GATAD2A: variants seen among roughly 807,000 people sequenced by gnomAD.
The protein encoded by GATAD2A is transcriptional repressor p66-alpha.
A neutral mutation model predicts 68.5 loss-of-function variants in GATAD2A; 12 were observed. That is an observed-to-expected ratio of 0.18 (90% CI 0.11 to 0.28). The LOEUF is 0.28. Among genes scored for constraint, GATAD2A ranks in the 10% least tolerant of loss-of-function variants. The pLI is 1.00. For synonymous variants in GATAD2A, 410 were observed against 375.3 expected (o/e 1.09, Z -1.07); for missense variants, 755 against 868.5 (o/e 0.87, Z 1.64).
intron 2 of GATAD2A, among the ~76,000 whole-genome samples, chr19:19,482,853 C>T (rs1240591984): frequency 6.6e-6 from 1 of 152,186 alleles, no homozygotes; most frequent in East Asian, 1.9e-4. Context: ...ATGGTGTCAG[C>T]TGCTGACAAG....
chr19:19,441,438 G>C (rs2055064301), intron 1 of GATAD2A, among the ~76,000 whole-genome samples: 1 of 152,018 alleles, frequency 6.6e-6, no homozygotes, highest in South Asian at 2.1e-4. Context: ...ACCTAGGCTG[G>C]AGTGCAGTGG....
At chr19:19,497,385 C>G (rs1403227631) in intron 7 of GATAD2A, among the ~76,000 whole-genome samples, 4 of 152,244 alleles carry the variant, frequency 2.6e-5, no homozygotes, top group Non-Finnish European at 5.9e-5. Context: ...CGTGAGCCAC[C>G]ACATCCTGCC....
At chr19:19,444,288 T>C (rs968732832) in intron 1 of GATAD2A, among the ~76,000 whole-genome samples, 1 of 134,950 alleles carries the variant, frequency 7.4e-6, no homozygotes, top group African/African-American at 2.6e-5. Context: ...TAGCTGGACT[T>C]GCACATGACT....
chr19:19,505,657 G>C lies in GATAD2A; in HGVS notation c.*183G>C. The C allele has an allele frequency of 1.8e-6, 1 of 548,608 alleles. No homozygotes were observed. The highest frequency in any genetic ancestry group is 3.1e-6 in the Non-Finnish European group (1 of 323,472). The allele number at this position is 548,608 out of a possible 1,614,324, so 34.0% of individuals were successfully genotyped here. Reference sequence around the variant, plus strand: ...GGCTGCAAAGTTTCATCAGGGCTAGGGGGCTGGTGCCGCCTCATAGGCAGA... The same window carrying C: ...GGCTGCAAAGTTTCATCAGGGCTAGCGGGCTGGTGCCGCCTCATAGGCAGA... On this transcript the variant is annotated 3_prime_UTR_variant, in exon 12 of 12. Coordinates refer to ENST00000683918, the MANE Select transcript of GATAD2A (RefSeq NM_001384528.1).
intron 1 of GATAD2A, among the ~76,000 whole-genome samples, chr19:19,443,015 G>A (rs2055289217): frequency 1.3e-5 from 2 of 152,070 alleles, no homozygotes; most frequent in Non-Finnish European, 2.9e-5. Context: ...GGGTGACAGG[G>A]ATGCTCTACA....
At chr19:19,447,242 G>A (rs1049169087) in intron 1 of GATAD2A, among the ~76,000 whole-genome samples, 2 of 152,152 alleles carry the variant, frequency 1.3e-5, no homozygotes, top group East Asian at 1.9e-4. Flanking sequence ...AGATGCAAAG[G>A]CCCTGAGGTG....
intron 1 of GATAD2A, among the ~76,000 whole-genome samples, chr19:19,414,604 C>G (rs556967538): frequency 3.5e-4 from 45 of 126,946 alleles, no homozygotes; most frequent in Non-Finnish European, 6.7e-4. Context: ...GTGGTGCAAT[C>G]TCGGCTCACT....
intron 1 of GATAD2A, among the ~76,000 whole-genome samples, chr19:19,413,548 T>TA (rs1310622480): frequency 6.6e-6 from 1 of 152,176 alleles, no homozygotes; most frequent in Non-Finnish European, 1.5e-5. Flanking sequence ...ATAGCCACTC[T>TA]AACCCAGGGA....
At chr19:19,430,334 C>G (rs865909710) in intron 1 of GATAD2A, among the ~76,000 whole-genome samples, 45 of 152,124 alleles carry the variant, frequency 3.0e-4, no homozygotes, top group African/African-American at 1.1e-3. Flanking sequence ...TTTTTTCTTT[C>G]CAGATTGAGC....
At chr19:19,480,752 G>A (rs1370598190) in intron 2 of GATAD2A, among the ~76,000 whole-genome samples, 1 of 152,224 alleles carries the variant, frequency 6.6e-6, no homozygotes, top group Non-Finnish European at 1.5e-5. Context: ...CCCCTCAGTG[G>A]TCCTCGTGGG....
At chr19:19,480,565 C>T (rs2148238708) in intron 2 of GATAD2A, among the ~76,000 whole-genome samples, 1 of 152,326 alleles carries the variant, frequency 6.6e-6, no homozygotes, top group East Asian at 1.9e-4. Flanking sequence ...GGGCTTCTTC[C>T]TGTCGTACTT....
chr19:19,484,624 C>T lies in GATAD2A; in HGVS notation c.270-7682C>T, dbSNP rs1056359742. ...CTCGGCTCCCTGCAGGCTCTGCCCC[C>T]CGGGGTTCATGCCATTCTCCTGCCT... is the stretch of plus-strand genomic sequence containing the variant. On this transcript the variant is annotated intron_variant, in intron 2 of 11. Coordinates refer to ENST00000683918, the MANE Select transcript of GATAD2A (RefSeq NM_001384528.1). Among the ~76,000 whole-genome samples the T allele has an allele frequency of 9.2e-5, 14 of 151,394 alleles. No individual in the cohort carries two copies. The East Asian group carries it at 1.9e-3, about 21-fold the overall frequency.
At chr19:19,500,027 C>T (rs1472829962) in intron 8 of GATAD2A, among the ~76,000 whole-genome samples, 1 of 152,246 alleles carries the variant, frequency 6.6e-6, no homozygotes, top group Non-Finnish European at 1.5e-5. Context: ...CAGTGCCTCT[C>T]CTTGCCCCTG....
intron 1 of GATAD2A, among the ~76,000 whole-genome samples, chr19:19,390,830 ATTCT>A (rs1299292035): frequency 6.6e-6 from 1 of 152,200 alleles, no homozygotes; most frequent in Admixed American, 6.5e-5. Context: ...AAGAAGAGCC[ATTCT>A]TTCATTGTAA....
chr19:19,425,595 C>T (rs1431947955), intron 1 of GATAD2A, among the ~76,000 whole-genome samples: 5 of 152,098 alleles, frequency 3.3e-5, no homozygotes, highest in African/African-American at 9.7e-5. Context: ...AAGAAATGCC[C>T]GCTCTCTTGT....
chr19:19,467,219 C>CA (rs1028201952), intron 2 of GATAD2A, among the ~76,000 whole-genome samples: 1 of 151,946 alleles, frequency 6.6e-6, no homozygotes, highest in African/African-American at 2.4e-5. Flanking sequence ...ACTAAAAATA[C>CA]AAAAAAATTA....
Position 19,408,332 on chromosome 19 carries a change from A to G in GATAD2A, c.-7+2313A>G, listed in dbSNP as rs140744196. 7.9e-5 allele frequency among the ~76,000 whole-genome samples: 12 copies of G among 152,334 alleles called. No individual in the cohort carries two copies. The East Asian group carries it at 1.7e-3, about 22-fold the overall frequency. Reference sequence around the variant, plus strand: ...GATGACATCATTTTTTAAAATGTCAAGTCATCTCTATTAATGCAGTATCAT... The same window carrying G: ...GATGACATCATTTTTTAAAATGTCAGGTCATCTCTATTAATGCAGTATCAT... On this transcript the variant is annotated intron_variant, in intron 1 of 11. Coordinates refer to ENST00000683918, the MANE Select transcript of GATAD2A (RefSeq NM_001384528.1).
At chr19:19,499,644 C>T (rs904387186) in intron 8 of GATAD2A, among the ~76,000 whole-genome samples, 2 of 152,190 alleles carry the variant, frequency 1.3e-5, no homozygotes, top group Non-Finnish European at 2.9e-5. Context: ...TACTTTGGTG[C>T]ATCAACTGGT....
chr19:19,488,817 G>A (rs1256011649), intron 2 of GATAD2A, among the ~76,000 whole-genome samples: 1 of 152,156 alleles, frequency 6.6e-6, no homozygotes, highest in African/African-American at 2.4e-5. Context: ...TTACATTAAG[G>A]CTTCTCAAGA....
Sources: gnomAD v4.1 joint callset for allele counts (sites outside exome capture counted in the v4.1 genomes callset) on GRCh38, gnomAD v4.1.1 for gene constraint, MANE v1.5 for transcripts, NCBI Gene and HGNC (gene_info 2026-07-23, HGNC 2026-07-21) for gene names.